The following PTCRA variants were observed in gnomAD, a reference collection of about 807,000 sequenced individuals.
PTCRA encodes pre T cell antigen receptor alpha.
A neutral mutation model predicts 13.4 loss-of-function variants in PTCRA; 9 were observed. The observed-to-expected ratio is 0.67, with a 90% confidence interval of 0.41 to 1.18. PTCRA has a LOEUF of 1.18. Among genes scored for constraint, PTCRA ranks in the 50% most tolerant of loss-of-function variants. PTCRA has a pLI of 0.01. For missense variants in PTCRA, 353 were observed against 359.8 expected, an observed-to-expected ratio of 0.98 and a Z score of 0.15; for synonymous variants, 153 against 161.9, an observed-to-expected ratio of 0.94 and a Z score of 0.42.
chr6:42,916,250 C>CCTCCCCAGAGGTCCCTAAA, intron 1 of PTCRA, 123 bp downstream of exon 1: 1 of 978,680 alleles, frequency 1.0e-6, no homozygotes, highest in Non-Finnish European at 1.5e-6. Context: ...ATTTAGGGAC[C>CCTCCCCAGAGGTCCCTAAA]TCTGGGGAGG....
rs1253976377 is a variant in PTCRA at position 42,925,745 on chromosome 6, G to C, written c.*63G>C. 1 of 1,230,142 alleles carries C rather than the reference G, an allele frequency of 8.1e-7. No homozygotes were observed. The highest frequency in any genetic ancestry group is 1.1e-6 in the Non-Finnish European group (1 of 904,930). The allele number at this position is 1,230,142 out of a possible 1,614,324, so 76.2% of individuals were successfully genotyped here. A position where few individuals can be genotyped will look rare whatever the true frequency, so the allele number is the denominator to read the frequency against. ...GGCTGTGTCTCTGCCATCCAAAAGGGGGCCCCTTGAGAATGGTGATCCACC... is the reference window on the plus strand; with the variant it reads ...GGCTGTGTCTCTGCCATCCAAAAGGCGGCCCCTTGAGAATGGTGATCCACC... On this transcript the variant is annotated 3_prime_UTR_variant, in exon 4 of 4. Coordinates refer to ENST00000304672, the MANE Select transcript of PTCRA (RefSeq NM_138296.3). This position sits in a 1 kb window ranked among gnomAD's most constrained non-coding sequence, Gnocchi z 4.4.
In PTCRA at chr6:42,925,484, G is replaced by A; in HGVS notation, c.648G>A (p.Arg216=). The A allele has an allele frequency of 6.4e-7, 1 of 1,559,680 alleles. No individual in the cohort carries two copies. The highest frequency in any genetic ancestry group is 8.7e-7 in the Non-Finnish European group (1 of 1,151,214). ...CCAGCTCACCCAGACCCCAGCCTCGGGACCGCCGCTGGGGTGACACCCCTC... is the reference window on the plus strand; with the variant it reads ...CCAGCTCACCCAGACCCCAGCCTCGAGACCGCCGCTGGGGTGACACCCCTC... ...EATSSPRPQP[R]DRRWGDTPPG... Residue 216 remains arginine (R), a synonymous_variant, in exon 4 of 4, where the codon CGG becomes CGA. Coordinates refer to ENST00000304672, the MANE Select transcript of PTCRA (RefSeq NM_138296.3). This position sits in a 1 kb window ranked among gnomAD's most constrained non-coding sequence, Gnocchi z 4.4.
intron 1 of PTCRA, among the ~76,000 whole-genome samples, chr6:42,921,547 A>G (rs1474463599): frequency 6.9e-6 from 1 of 144,992 alleles, no homozygotes; most frequent in African/African-American, 2.6e-5. Flanking sequence ...CCTCCCAAGT[A>G]GCTGGGATTA....
At position 42,924,464 on chromosome 6, in the gene PTCRA, T is replaced by C. The variant is rs1431674623; in HGVS notation, c.424+191T>C. On this transcript the variant is annotated intron_variant, in intron 3 of 3. Transcript: ENST00000304672. ...CAGTCTACCTAGCATAAGATGGGGG[T>C]GAATCCTTTGACCCCAGCCTAATTC... 6.2e-6 allele frequency: 4 copies of C among 643,236 alleles called. No homozygotes were observed. The East Asian group carries it at 9.0e-5, about 15-fold the overall frequency. The allele number at this position is 643,236 out of a possible 1,614,324, so 39.8% of individuals were successfully genotyped here.
chr6:42,918,282 C>T (rs965814630), intron 1 of PTCRA, among the ~76,000 whole-genome samples: 1 of 148,704 alleles, frequency 6.7e-6, no homozygotes, highest in Non-Finnish European at 1.5e-5. Context: ...AGGCATGGGG[C>T]TCATGCCTGT....
intron 1 of PTCRA, among the ~76,000 whole-genome samples, chr6:42,920,655 G>A (rs992992074): frequency 2.6e-5 from 4 of 151,970 alleles, no homozygotes; most frequent in Non-Finnish European, 4.4e-5. Context: ...TCTATCTCCT[G>A]ACCTCGTGAT....
In PTCRA at chr6:42,925,218, G is replaced by T; in HGVS notation, c.425-43G>T. 1 of 1,548,498 alleles carries T rather than the reference G, an allele frequency of 6.5e-7. No homozygotes were observed. The highest frequency in any genetic ancestry group is 8.7e-7 in the Non-Finnish European group (1 of 1,153,640). ...TCCGCCGTTCTCTCCTGGGGTAGGG[G>T]GCTGCGGGCTCCTGCGGGCTCCTGA... On this transcript the variant is annotated intron_variant, in intron 3 of 3. Transcript: ENST00000304672. This position sits in a 1 kb window ranked among gnomAD's most constrained non-coding sequence, Gnocchi z 4.4.
At chr6:42,922,938 C>A in intron 1 of PTCRA, 89 bp from the exon 2 acceptor site, 1 of 1,235,238 alleles carries the variant, frequency 8.1e-7, no homozygotes, top group Non-Finnish European at 1.2e-6. Context: ...GATGGAAAGA[C>A]AGAAATGTAG....
At chr6:42,922,514 C>T (rs955449068) in intron 1 of PTCRA, among the ~76,000 whole-genome samples, 1 of 151,968 alleles carries the variant, frequency 6.6e-6, no homozygotes, top group African/African-American at 2.4e-5. Context: ...TTTGGGAGGA[C>T]GAGGCGGGTG....
Position 42,921,723 on chromosome 6 carries a change from C to CT in PTCRA, c.59-1295dup, listed in dbSNP as rs1457345922. ...GAGCCACCGTGCCCGGCCAACAAAG[C>CT]TTTTTTTTTCAAAAAAAAAAAAAAA... On this transcript the variant is annotated intron_variant, in intron 1 of 3. Transcript: ENST00000304672. 1.4e-3 allele frequency among the ~76,000 whole-genome samples: 137 copies of CT among 96,938 alleles called. 2 individuals are homozygous for CT. The highest frequency in any genetic ancestry group is 5.2e-3 in the African/African-American group (119 of 23,080). 63.6% of individuals were successfully genotyped at this position (96,938 alleles called of 152,430 possible).
At chr6:42,924,377 G>A (rs770476943) in intron 3 of PTCRA, 104 bp downstream of exon 3, 3 of 899,900 alleles carry the variant, frequency 3.3e-6, no homozygotes, top group South Asian at 2.7e-5. Context: ...TACACTGGAG[G>A]TCAGTAGGTG....
In PTCRA at chr6:42,923,339, A is replaced by C. The variant is rs141979329; in HGVS notation, c.371A>C (p.His124Pro). 2 of 1,614,002 alleles carry C rather than the reference A, an allele frequency of 1.2e-6. No homozygotes were observed. The highest frequency in any genetic ancestry group is 4.5e-5 in the East Asian group (2 of 44,880). ...EGHSRSTQPMHLSGEASTART... is the reference protein window; with the variant it reads ...EGHSRSTQPMPLSGEASTART... Reference sequence around the variant, plus strand: ...CACAGCAGGAGTACACAGCCCATGCATCTGTCAGGTGGGGATGGAGCCTGG... The same window carrying C: ...CACAGCAGGAGTACACAGCCCATGCCTCTGTCAGGTGGGGATGGAGCCTGG... Residue 124 changes from histidine to proline, a missense_variant, in exon 2 of 4, where the codon CAT becomes CCT. His to Pro is a moderately conservative substitution (Grantham distance 77). Transcript: ENST00000304672.
chr6:42,917,739 AG>A lies in PTCRA; in HGVS notation c.58+1616del, dbSNP rs536095088. Among the ~76,000 whole-genome samples the A allele has an allele frequency of 2.6e-4, 39 of 147,602 alleles. No individual in the cohort carries two copies. The South Asian group carries it at 7.7e-3, about 29-fold the overall frequency. On this transcript the variant is annotated intron_variant, in intron 1 of 3. Coordinates refer to ENST00000304672, the MANE Select transcript of PTCRA (RefSeq NM_138296.3). ...TAATTTTTGTATTTTTAGTGGAAAC[AG>A]GGGTTCACCACGTTGGCCAGGCTGG...
chr6:42,921,403 A>C (rs1192650743), intron 1 of PTCRA, among the ~76,000 whole-genome samples: 5 of 143,358 alleles, frequency 3.5e-5, no homozygotes, highest in Non-Finnish European at 7.5e-5. Context: ...CACCCAGCCA[A>C]CAAAGCTTCT....
Position 42,925,496 on chromosome 6 carries a change from G to A in PTCRA, c.660G>A (p.Trp220Ter). ...GACCCCAGCCTCGGGACCGCCGCTG[G>A]GGTGACACCCCTCCGGGTCGGAAGC... ...SPRPQPRDRR[W>*]GDTPPGRKPG... Residue 220 changes from tryptophan (W) to a stop codon, truncating the protein, a stop_gained, in exon 4 of 4, where the codon TGG (tryptophan) becomes TGA (stop). Transcript: ENST00000304672. LOFTEE classifies it low-confidence loss of function (END_TRUNC). The surrounding 1 kb of genome is among the most constrained non-coding windows in gnomAD (Gnocchi z 4.4). 3 of 1,565,920 alleles carry A rather than the reference G, an allele frequency of 1.9e-6. No homozygotes were observed. The highest frequency in any genetic ancestry group is 2.6e-6 in the Non-Finnish European group (3 of 1,154,432).
chr6:42,919,038 C>A (rs575376771), intron 1 of PTCRA, among the ~76,000 whole-genome samples: 2 of 145,048 alleles, frequency 1.4e-5, no homozygotes, highest in Admixed American at 6.8e-5. Context: ...ATCCGTCCAC[C>A]TATTTTTTTT....
chr6:42,920,301 CAGAG>C (rs1393567184), intron 1 of PTCRA, among the ~76,000 whole-genome samples: 2 of 150,788 alleles, frequency 1.3e-5, no homozygotes, highest in African/African-American at 2.4e-5. Flanking sequence ...GCCTGGGCGA[CAGAG>C]AGAGACTCCG....
rs985630650 is a variant in PTCRA at position 42,922,301 on chromosome 6, A to G, written c.59-726A>G. The G allele has an allele frequency of 4.1e-5, 29 of 699,696 alleles. No homozygotes were observed. The East Asian group carries it at 7.5e-4, about 18-fold the overall frequency. The allele number at this position is 699,696 out of a possible 1,614,324, so 43.3% of individuals were successfully genotyped here. A position where few individuals can be genotyped will look rare whatever the true frequency, so the allele number is the denominator to read the frequency against. The stretch of plus-strand genomic sequence containing the variant: ...TTTTTACACATCTACTGTCTTTCCC[A>G]TGGAACTGAGTTCCTTGAGAGCAGG... On this transcript the variant is annotated intron_variant, in intron 1 of 3. Transcript: ENST00000304672.
At position 42,925,432 on chromosome 6, in the gene PTCRA, C is replaced by T; in HGVS notation, c.596C>T (p.Ala199Val). The T allele has an allele frequency of 1.3e-6, 2 of 1,555,484 alleles. No homozygotes were observed. Residue 199 changes from alanine (A) to valine (V), a missense_variant, in exon 4 of 4, where the codon GCC becomes GTC. Coordinates refer to ENST00000304672, the MANE Select transcript of PTCRA (RefSeq NM_138296.3). This position sits in a 1 kb window ranked among gnomAD's most constrained non-coding sequence, Gnocchi z 4.4. ...CTCGGCTCCCATCGACTGCACCCGG[C>T]CACGGAGACTGGGGGACGAGAGGCC... ...RALGSHRLHP[A>V]TETGGREATS...
Sources: gnomAD v4.1 joint callset for allele counts (sites outside exome capture counted in the v4.1 genomes callset) on GRCh38, gnomAD v4.1.1 for gene constraint, Gnocchi (gnomAD v3.1) non-coding constraint, MANE v1.5 for transcripts, NCBI Gene and HGNC (gene_info 2026-07-23, HGNC 2026-07-21) for gene names.